ASTN1: variants seen among roughly 807,000 people sequenced by gnomAD.
ASTN1 encodes the protein astrotactin-1.
ASTN1 carries 41 observed loss-of-function variants against 140.7 expected under a neutral mutation model. That is an observed-to-expected ratio of 0.29 (90% CI 0.23 to 0.38). The LOEUF is 0.38. Ranked by LOEUF, ASTN1 falls within the 10% of genes least tolerant of loss-of-function variation. ASTN1 has a pLI of 1.00. For synonymous variants in ASTN1, 640 were observed against 652.2 expected, an observed-to-expected ratio of 0.98 and a Z score of 0.29; for missense variants, 1,479 against 1,678.8, an observed-to-expected ratio of 0.88 and a Z score of 2.08.
At chr1:176,986,684 T>C (rs1259995290) in intron 8 of ASTN1, among the ~76,000 whole-genome samples, 1 of 152,168 alleles carries the variant, frequency 6.6e-6, no homozygotes, top group Non-Finnish European at 1.5e-5. Context: ...ATTTGACACT[T>C]ATGAGCTGAG....
chr1:177,011,958 G>A (rs1451047096), intron 8 of ASTN1, among the ~76,000 whole-genome samples: 1 of 152,166 alleles, frequency 6.6e-6, no homozygotes, highest in Non-Finnish European at 1.5e-5. Context: ...TAAAGAATTT[G>A]TTTTAACTAT....
intron 1 of ASTN1, among the ~76,000 whole-genome samples, chr1:177,136,379 G>T (rs551293364): frequency 6.7e-6 from 1 of 148,958 alleles, no homozygotes; most frequent in Admixed American, 6.7e-5. Flanking sequence ...TTGAGACAGG[G>T]TCTCTCTCTG....
At chr1:176,877,501 A>T (rs1668614578) in intron 20 of ASTN1, among the ~76,000 whole-genome samples, 1 of 152,204 alleles carries the variant, frequency 6.6e-6, no homozygotes, top group Admixed American at 6.5e-5. Flanking sequence ...TGAAGACATG[A>T]TTCTAAGGAG....
At chr1:177,148,822 C>G (rs1351742304) in intron 1 of ASTN1, among the ~76,000 whole-genome samples, 1 of 151,458 alleles carries the variant, frequency 6.6e-6, no homozygotes. Context: ...CAATGGTGAC[C>G]TCAGTGCAAT....
intron 1 of ASTN1, among the ~76,000 whole-genome samples, chr1:177,065,331 T>C (rs1158925363): frequency 1.3e-5 from 2 of 152,170 alleles, no homozygotes; most frequent in African/African-American, 2.4e-5. Context: ...GTCTGGAACT[T>C]CCCAGAATCT....
intron 16 of ASTN1, among the ~76,000 whole-genome samples, chr1:176,932,141 T>C (rs948323538): frequency 6.6e-6 from 1 of 152,228 alleles, no homozygotes; most frequent in African/African-American, 2.4e-5. Flanking sequence ...TTTAGGTATC[T>C]AGTCATAGGT....
chr1:177,162,259 C>A (rs1185732406), intron 1 of ASTN1, among the ~76,000 whole-genome samples: 1 of 152,222 alleles, frequency 6.6e-6, no homozygotes, highest in Admixed American at 6.5e-5. Flanking sequence ...CCCACCCAAA[C>A]TGAAATTCAT....
At chr1:177,108,471 G>A (rs1275074898) in intron 1 of ASTN1, among the ~76,000 whole-genome samples, 1 of 151,990 alleles carries the variant, frequency 6.6e-6, no homozygotes, top group African/African-American at 2.4e-5. Context: ...CTTTGTGACT[G>A]GTTTTTTCCA....
At chr1:177,037,660 G>A (rs1337525604) in intron 2 of ASTN1, among the ~76,000 whole-genome samples, 1 of 152,172 alleles carries the variant, frequency 6.6e-6, no homozygotes, top group Admixed American at 6.6e-5. Context: ...AAGAAACACT[G>A]ACTGTAAGCA....
intron 16 of ASTN1, among the ~76,000 whole-genome samples, chr1:176,901,472 A>T (rs147193766): frequency 8.5e-5 from 13 of 152,340 alleles, no homozygotes; most frequent in African/African-American, 2.9e-4. Flanking sequence ...ACCAAAGAGC[A>T]GCTGGGGTGA....
chr1:176,966,818 A>G (rs1033894137), intron 8 of ASTN1, among the ~76,000 whole-genome samples: 77 of 152,108 alleles, frequency 5.1e-4, no homozygotes, highest in African/African-American at 1.8e-3. Flanking sequence ...ATAGGAAGAT[A>G]TAATTATTAA....
At chr1:177,078,405 T>G (rs1404398528) in intron 1 of ASTN1, among the ~76,000 whole-genome samples, 1 of 152,114 alleles carries the variant, frequency 6.6e-6, no homozygotes, top group Non-Finnish European at 1.5e-5. Flanking sequence ...CACTGAGATG[T>G]GAACACCCTT....
rs576519625 is a variant in ASTN1, at chr1:177,014,738, T to C, written c.1523+53A>G. On this transcript the variant is annotated intron_variant, in intron 8 of 22. Transcript: ENST00000361833. Reference sequence around the variant, plus strand: ...ATGCAGTTGCTCCACGTCATGTCTGTGTAAGGAGCAGTGATATGTGGGAAC... The same window carrying C: ...ATGCAGTTGCTCCACGTCATGTCTGCGTAAGGAGCAGTGATATGTGGGAAC... 18 of 1,500,302 alleles carry C rather than the reference T, an allele frequency of 1.2e-5. No homozygotes were observed. The Admixed American group carries it at 1.3e-4, about 11-fold the overall frequency. 92.9% of individuals were successfully genotyped at this position (1,500,302 alleles called of 1,614,324 possible).
At chr1:176,897,272 C>T (rs142974861) in intron 16 of ASTN1, among the ~76,000 whole-genome samples, 2 of 74,812 alleles carry the variant, frequency 2.7e-5, no homozygotes, top group East Asian at 5.8e-4. Flanking sequence ...AAGACTCCGT[C>T]TCAAAAAAAA....
intron 2 of ASTN1, among the ~76,000 whole-genome samples, chr1:177,034,277 A>G (rs1474613678): frequency 6.9e-6 from 1 of 144,914 alleles, no homozygotes; most frequent in African/African-American, 2.5e-5. Context: ...ACACACACAC[A>G]CACACACTGC....
intron 16 of ASTN1, among the ~76,000 whole-genome samples, chr1:176,902,736 A>G (rs1669822977): frequency 6.6e-6 from 1 of 152,230 alleles, no homozygotes; most frequent in African/African-American, 2.4e-5. Context: ...AATAAAACAC[A>G]AAAACAGCCT....
intron 2 of ASTN1, among the ~76,000 whole-genome samples, chr1:177,043,329 A>G (rs1311811444): frequency 6.6e-6 from 1 of 152,230 alleles, no homozygotes; most frequent in Non-Finnish European, 1.5e-5. Context: ...CTTAACTTTC[A>G]GGGAAACTAG....
chr1:177,024,762 G>A (rs1322526077), intron 5 of ASTN1, 30 bp from the exon 6 acceptor site: 3 of 1,600,712 alleles, frequency 1.9e-6, no homozygotes, highest in Non-Finnish European at 1.7e-6. Context: ...AAGATACATG[G>A]TGGTAAAAAG....
At chr1:177,054,241 A>G (rs1420035419) in intron 2 of ASTN1, among the ~76,000 whole-genome samples, 2 of 152,156 alleles carry the variant, frequency 1.3e-5, no homozygotes, top group African/African-American at 4.8e-5. Context: ...AACAAACCCT[A>G]CTTTATGGTG....
Sources: gnomAD v4.1 joint callset for allele counts (sites outside exome capture counted in the v4.1 genomes callset) on GRCh38, gnomAD v4.1.1 for gene constraint, MANE v1.5 for transcripts, NCBI Gene and HGNC (gene_info 2026-07-23, HGNC 2026-07-21) for gene names.